The following PALLD variants were observed in gnomAD, a reference collection of about 807,000 sequenced individuals.
PALLD encodes the protein palladin.
Under a neutral mutation model 123.5 loss-of-function variants are expected in PALLD, and 61 were observed. That is an observed-to-expected ratio of 0.49 (90% CI 0.40 to 0.61). The LOEUF is 0.61. PALLD is among the 20% of genes least tolerant of loss of function. The pLI, the probability that PALLD is intolerant of heterozygous loss-of-function variation, is 0.00. For missense variants in PALLD, 1,273 were observed against 1,377.0 expected (o/e 0.92, Z 1.20); for synonymous variants, 465 against 496.4 (o/e 0.94, Z 0.84).
intron 10 of PALLD, among the ~76,000 whole-genome samples, chr4:168,810,271 C>G (rs1456541388): frequency 6.6e-6 from 1 of 151,996 alleles, no homozygotes; most frequent in African/African-American, 2.4e-5. Flanking sequence ...AAGAATGATT[C>G]TTGATCACCA....
intron 2 of PALLD, among the ~76,000 whole-genome samples, chr4:168,531,620 A>T (rs769035177): frequency 6.6e-6 from 1 of 152,240 alleles, no homozygotes; most frequent in Non-Finnish European, 1.5e-5. Flanking sequence ...GAACCAAAAA[A>T]GTTAGGCCAT....
At chr4:168,764,817 C>T (rs1448604657) in intron 10 of PALLD, among the ~76,000 whole-genome samples, 1 of 152,114 alleles carries the variant, frequency 6.6e-6, no homozygotes, top group Non-Finnish European at 1.5e-5. Context: ...TCCTTTGGTT[C>T]CCGCACCTCT....
chr4:168,877,403 A>T (rs1385532807), intron 10 of PALLD, among the ~76,000 whole-genome samples: 3 of 152,234 alleles, frequency 2.0e-5, no homozygotes, highest in Non-Finnish European at 4.4e-5. Context: ...TTTTCTCTTA[A>T]TATTTCTTGA....
chr4:168,519,132 T>A (rs1172657389), intron 2 of PALLD, among the ~76,000 whole-genome samples: 2 of 152,212 alleles, frequency 1.3e-5, no homozygotes, highest in African/African-American at 4.8e-5. Flanking sequence ...GGCTTACGGA[T>A]GTAGTAGTAC....
chr4:168,712,622 C>T (rs1784943185), intron 10 of PALLD, among the ~76,000 whole-genome samples: 1 of 152,170 alleles, frequency 6.6e-6, no homozygotes, highest in Non-Finnish European at 1.5e-5. Flanking sequence ...CAGAGAGAGG[C>T]AGAAATAAAT....
At chr4:168,549,004 G>A (rs1011281486) in intron 2 of PALLD, among the ~76,000 whole-genome samples, 5 of 151,680 alleles carry the variant, frequency 3.3e-5, no homozygotes, top group African/African-American at 1.2e-4. Context: ...CTGGGTGACA[G>A]AGCAAGACCC....
chr4:168,681,540 A>ATT lies in PALLD; in HGVS notation c.1154+164_1154+165dup, dbSNP rs34328020. ...GATCAAATACTGAGGTTGGAACACA[A>ATT]TTTTTTTTTTTTTTTTTTTTTTTGA... On this transcript the variant is annotated intron_variant, in intron 4 of 21. Transcript: ENST00000505667. The ATT allele has an allele frequency of 8.4e-3, 2,846 of 337,642 alleles. 1 individual carries two copies. Among genetic ancestry groups the ATT allele is most frequent in the Admixed American group, 0.013 (313 of 23,188 alleles). The allele number at this position is 337,642 out of a possible 1,614,324, so 20.9% of individuals were successfully genotyped here. A position where few individuals can be genotyped will look rare whatever the true frequency, so the allele number is the denominator to read the frequency against.
At chr4:168,850,523 CTTTTTTTTTTTTTTTT>C (rs767777801) in intron 10 of PALLD, among the ~76,000 whole-genome samples, 1 of 34,692 alleles carries the variant, frequency 2.9e-5, no homozygotes, top group Admixed American at 5.3e-4. Context: ...TCTGTCATTT[CTTTTTTTTTTTTTTTT>C]TTTTTTTTTT....
At chr4:168,761,663 T>TGG (rs1561494007) in intron 10 of PALLD, among the ~76,000 whole-genome samples, 2 of 134,820 alleles carry the variant, frequency 1.5e-5, no homozygotes, top group Non-Finnish European at 3.2e-5. Flanking sequence ...TTTTTTTTTT[T>TGG]TTTTTTTTTT....
chr4:168,861,525 A>AT (rs1560810990), intron 10 of PALLD, among the ~76,000 whole-genome samples: 1 of 151,834 alleles, frequency 6.6e-6, no homozygotes, highest in African/African-American at 2.4e-5. Flanking sequence ...CAGTTCATCA[A>AT]TTTTTTTTCT....
chr4:168,601,482 G>A (rs544435278), intron 2 of PALLD, among the ~76,000 whole-genome samples: 1 of 152,172 alleles, frequency 6.6e-6, no homozygotes, highest in African/African-American at 2.4e-5. Context: ...ACACAATCCT[G>A]ATTCAGGACC....
chr4:168,599,448 C>T (rs912133581), intron 2 of PALLD, among the ~76,000 whole-genome samples: 3 of 152,196 alleles, frequency 2.0e-5, no homozygotes, highest in African/African-American at 7.2e-5. Flanking sequence ...TACTAATTCA[C>T]TGTTACAGAT....
intron 6 of PALLD, among the ~76,000 whole-genome samples, chr4:168,689,765 A>G (rs1782445132): frequency 6.6e-6 from 1 of 152,132 alleles, no homozygotes; most frequent in Admixed American, 6.5e-5. Context: ...AATATTCTAT[A>G]GTCAGAAGTT....
chr4:168,895,554 G>A (rs1210392025), intron 12 of PALLD, among the ~76,000 whole-genome samples: 2 of 152,156 alleles, frequency 1.3e-5, no homozygotes, highest in African/African-American at 2.4e-5. Context: ...AAAAGAAAAT[G>A]TTACAAAGAA....
intron 2 of PALLD, among the ~76,000 whole-genome samples, chr4:168,651,506 A>G (rs767156337): frequency 6.6e-6 from 1 of 152,208 alleles, no homozygotes; most frequent in Non-Finnish European, 1.5e-5. Flanking sequence ...GTCACCATGT[A>G]TCAATTAAAC....
chr4:168,749,406 TAAA>T (rs33999722), intron 10 of PALLD, among the ~76,000 whole-genome samples: 195 of 146,646 alleles, frequency 1.3e-3, no homozygotes, highest in African/African-American at 4.6e-3. Context: ...CTATCACCTT[TAAA>T]AAAAAAAAAA....
intron 10 of PALLD, among the ~76,000 whole-genome samples, chr4:168,817,411 T>C (rs1256636016): frequency 6.6e-6 from 1 of 152,200 alleles, no homozygotes; most frequent in African/African-American, 2.4e-5. Flanking sequence ...AACTGTATCC[T>C]TTGAGAAAAA....
At chr4:168,897,118 C>T (rs1210958995) in intron 13 of PALLD, among the ~76,000 whole-genome samples, 11 of 152,208 alleles carry the variant, frequency 7.2e-5, no homozygotes, top group African/African-American at 2.7e-4. Context: ...GCATGAGCCA[C>T]AGTGCCTGGC....
At chr4:168,638,538 C>T (rs2723699) in intron 2 of PALLD, among the ~76,000 whole-genome samples, 18,677 of 152,218 alleles carry the variant, frequency 0.12, 1,188 homozygotes, top group Non-Finnish European at 0.13. Context: ...GCGGCTATAA[C>T]GAAGTACCAT....
Sources: gnomAD v4.1 joint callset for allele counts (sites outside exome capture counted in the v4.1 genomes callset) on GRCh38, gnomAD v4.1.1 for gene constraint, MANE v1.5 for transcripts, NCBI Gene and HGNC (gene_info 2026-07-23, HGNC 2026-07-21) for gene names.